ADAMTS5: variants seen among roughly 807,000 people sequenced by gnomAD.
ADAMTS5 encodes the protein ADAM metallopeptidase with thrombospondin type 1 motif 5.
ADAMTS5 carries 54 observed loss-of-function variants against 81.4 expected under a neutral mutation model. The ratio of observed to expected loss-of-function variants is 0.66; its 90% CI spans 0.53 to 0.83. The LOEUF (loss-of-function observed/expected upper bound fraction) is 0.83, where lower values mean the gene tolerates loss of function less well. Among genes scored for constraint, ADAMTS5 ranks in the 40% least tolerant of loss-of-function variants. The probability of loss-of-function intolerance (pLI) is 0.00; values close to 1 mark genes in which losing one functional copy is unlikely to be tolerated. For synonymous variants in ADAMTS5, 532 were observed against 508.8 expected (o/e 1.05, Z -0.61); for missense variants, 1,194 against 1,229.9 (o/e 0.97, Z 0.44).
At chr21:26,931,976 T>C (rs142511474) in intron 6 of ADAMTS5, 28 bp downstream of exon 6, 3 of 1,567,162 alleles carry the variant, frequency 1.9e-6, no homozygotes, top group East Asian at 2.3e-5. Flanking sequence ...GTACGCCTAC[T>C]GCTTCTGGAC....
intron 7 of ADAMTS5, among the ~76,000 whole-genome samples, chr21:26,927,830 T>C (rs1986832207): frequency 6.6e-6 from 1 of 151,906 alleles, no homozygotes; most frequent in Admixed American, 6.6e-5. Context: ...TGGATTGCGG[T>C]GGGAGCGGTC....
intron 1 of ADAMTS5, among the ~76,000 whole-genome samples, chr21:26,960,379 G>A (rs1041434925): frequency 1.3e-5 from 2 of 152,188 alleles, no homozygotes; most frequent in Admixed American, 6.5e-5. Flanking sequence ...TTGTCAGCAT[G>A]GTGGAGTAGA....
In ADAMTS5 at chr21:26,924,612, TAACCCTTACTGGAAGTAGGA is replaced by T; in HGVS notation, c.2226-12_2233del. ...TTCAGGAATCCTCACCACGTCAGTG[TAACCCTTACTGGAAGTAGGA>T]ATGTTCACAGGAAGTGGGGGAAGGT... On this transcript the variant is annotated splice_acceptor_variant and splice_polypyrimidine_tract_variant and coding_sequence_variant and intron_variant, in exon 8 of 8. Transcript: ENST00000284987. LOFTEE classifies it high-confidence loss of function. 1.2e-6 allele frequency: 2 copies of T among 1,609,460 alleles called. No individual in the cohort carries two copies. Among genetic ancestry groups the T allele is most frequent in the Non-Finnish European group, 1.7e-6 (2 of 1,177,456 alleles).
At chr21:26,943,624 C>A in intron 2 of ADAMTS5, 77 bp from the exon 3 acceptor site, 1 of 1,398,202 alleles carries the variant, frequency 7.2e-7, no homozygotes, top group African/African-American at 1.5e-5. Context: ...TATGCTAGGG[C>A]TTGATTTTTT....
rs1484003560 is a variant in ADAMTS5 at position 26,965,874 on chromosome 21, C to T, written c.518G>A (p.Trp173Ter). 1 of 1,613,750 alleles carries T rather than the reference C, an allele frequency of 6.2e-7. No individual in the cohort carries two copies. The highest frequency in any genetic ancestry group is 2.2e-5 in the East Asian group (1 of 44,846). Residue 173 changes from tryptophan to a stop codon, truncating the protein, a stop_gained, in exon 1 of 8, where the codon TGG becomes TAG. Coordinates refer to ENST00000284987, the MANE Select transcript of ADAMTS5 (RefSeq NM_007038.5). LOFTEE classifies it high-confidence loss of function. Reference protein sequence around the residue: ...YTLKPLLRGPWAEEEKGRVYG... With the variant: ...YTLKPLLRGP ...CACGCGCCCCTTTTCTTCCTCCGCCCAGGGTCCGCGCAGCAGTGGCTTTAG... is the reference window on the plus strand; with the variant it reads ...CACGCGCCCCTTTTCTTCCTCCGCCTAGGGTCCGCGCAGCAGTGGCTTTAG...
chr21:26,929,227 T>A (rs183579426), intron 7 of ADAMTS5, among the ~76,000 whole-genome samples: 17 of 152,322 alleles, frequency 1.1e-4, no homozygotes, highest in African/African-American at 4.1e-4. Flanking sequence ...AAGAGTGGTT[T>A]GGGAAGAAAA....
At chr21:26,925,367 A>T (rs1305711529) in intron 7 of ADAMTS5, among the ~76,000 whole-genome samples, 1 of 152,186 alleles carries the variant, frequency 6.6e-6, no homozygotes, top group East Asian at 1.9e-4. Flanking sequence ...GAATTTTTTT[A>T]AATGACTTAG....
chr21:26,965,835 G>C lies in ADAMTS5; in HGVS notation c.557C>G (p.Ser186Cys), dbSNP rs1241172465. The change falls in exon 1 of 8, where the codon TCC (serine) becomes TGC (cysteine). Residue 186 changes from serine to cysteine, a missense_variant. This residue lies in a region of ADAMTS5 where 498 missense variants were observed against 412.3 expected (regional missense o/e 1.21). Transcript: ENST00000284987. ...EEKGRVYGDG[S>C]ARILHVYTRE... ...GGTGTAGACGTGCAGGATCCGTGCG[G>C]ACCCATCCCCGTACACGCGCCCCTT... 1.6e-5 allele frequency: 25 copies of C among 1,611,704 alleles called. No individual in the cohort carries two copies. In the Admixed American group the frequency reaches 4.0e-4, roughly 26 times the overall value.
In ADAMTS5 at chr21:26,932,027, A is replaced by C; in HGVS notation, c.2026T>G (p.Tyr676Asp). ...KLTCRAKGTG[Y>D]YVVFSPKVTD... ...ACCTTTGGAGAAAATACCACATAGT[A>C]GCCAGTGCCCTTGGCTCTGCAGGTC... is the stretch of plus-strand genomic sequence containing the variant. The change falls in exon 6 of 8, where the codon TAC becomes GAC. Residue 676 changes from tyrosine to aspartate, a missense_variant. By Grantham distance (160) the Tyr-to-Asp change is radical. This residue lies in a region of ADAMTS5 where 696 missense variants were observed against 817.6 expected (regional missense o/e 0.85). Coordinates refer to ENST00000284987, the MANE Select transcript of ADAMTS5 (RefSeq NM_007038.5). 1 of 1,613,928 alleles carries C rather than the reference A, an allele frequency of 6.2e-7. No individual in the cohort carries two copies. Among genetic ancestry groups the C allele is most frequent in the Non-Finnish European group, 8.5e-7 (1 of 1,179,884 alleles).
chr21:26,966,241 C>T lies in ADAMTS5; in HGVS notation c.151G>A (p.Val51Met), dbSNP rs761965103. ...CCGGGAGGCTCGGCTCGCTCCTGCA[C>T]CTCCTCCCCCTGCCGCCGGCGGGGC... ...AQPRRRQGEE[V>M]QERAEPPGHP... The change falls in exon 1 of 8, where the codon GTG becomes ATG. Residue 51 changes from valine to methionine, a missense_variant. Val to Met is a conservative substitution (Grantham distance 21, BLOSUM62 1). Around this residue, in one of 2 missense-constraint regions of ADAMTS5, gnomAD observed 498 missense variants for 412.3 expected, o/e 1.21. Transcript: ENST00000284987. The T allele has an allele frequency of 5.0e-6, 8 of 1,600,250 alleles. No homozygotes were observed. The highest frequency in any genetic ancestry group is 2.2e-5 in the East Asian group (1 of 44,498).
At chr21:26,930,180 GA>G (rs34738885) in intron 6 of ADAMTS5, 119 bp from the exon 7 acceptor site, 27,666 of 622,132 alleles carry the variant, frequency 0.044, no homozygotes, top group East Asian at 0.094. Context: ...ACAGTCCATT[GA>G]AAAAAAAAAA....
At chr21:26,947,306 G>T (rs1056706961) in intron 2 of ADAMTS5, among the ~76,000 whole-genome samples, 2 of 152,128 alleles carry the variant, frequency 1.3e-5, no homozygotes, top group Non-Finnish European at 2.9e-5. Context: ...TGCTAAATAG[G>T]GTTTTAACTG....
At chr21:26,938,286 G>A (rs1987052263) in intron 3 of ADAMTS5, among the ~76,000 whole-genome samples, 1 of 151,880 alleles carries the variant, frequency 6.6e-6, no homozygotes, top group South Asian at 2.1e-4. Flanking sequence ...AGGAATGTGT[G>A]CATATTGCAT....
chr21:26,944,075 A>G (rs1182346932), intron 2 of ADAMTS5, among the ~76,000 whole-genome samples: 1 of 152,164 alleles, frequency 6.6e-6, no homozygotes, highest in Non-Finnish European at 1.5e-5. Context: ...GGTGGCTAAT[A>G]AAAGGGAGGA....
intron 1 of ADAMTS5, among the ~76,000 whole-genome samples, chr21:26,960,612 C>T (rs1474074481): frequency 5.3e-5 from 8 of 152,088 alleles, no homozygotes; most frequent in Non-Finnish European, 1.0e-4. Context: ...GGAAGAGAGC[C>T]CTCACTAGAA....
At chr21:26,938,999 G>A (rs1987066593) in intron 3 of ADAMTS5, among the ~76,000 whole-genome samples, 1 of 152,134 alleles carries the variant, frequency 6.6e-6, no homozygotes, top group Admixed American at 6.6e-5. Context: ...CTCATCCGAA[G>A]AAGCCTAACA....
chr21:26,933,082 G>A (rs1311000362), intron 4 of ADAMTS5, 38 bp from the exon 5 acceptor site: 1 of 1,565,732 alleles, frequency 6.4e-7, no homozygotes, highest in East Asian at 2.3e-5. Flanking sequence ...ACTCCAATGA[G>A]AGAAAAACAT....
intron 7 of ADAMTS5, among the ~76,000 whole-genome samples, chr21:26,926,466 A>G (rs1411378028): frequency 6.6e-6 from 1 of 152,166 alleles, no homozygotes; most frequent in Non-Finnish European, 1.5e-5. Flanking sequence ...TGAGGACAGG[A>G]GTTCCTGACC....
chr21:26,952,506 C>T (rs1375898921), intron 2 of ADAMTS5, among the ~76,000 whole-genome samples: 3 of 152,214 alleles, frequency 2.0e-5, no homozygotes, highest in Admixed American at 6.5e-5. Context: ...TCAATCCTCC[C>T]TAGTTAACTT....
Sources: gnomAD v4.1 joint callset for allele counts (sites outside exome capture counted in the v4.1 genomes callset) on GRCh38, gnomAD v4.1.1 for gene constraint, gnomAD v4.1.1 regional missense constraint, MANE v1.5 for transcripts, NCBI Gene and HGNC (gene_info 2026-07-23, HGNC 2026-07-21) for gene names.